The following STK32B variants were observed in gnomAD, a reference collection of about 807,000 sequenced individuals.
STK32B encodes serine/threonine kinase 32B.
A neutral mutation model predicts 52.6 loss-of-function variants in STK32B; 43 were observed. The observed-to-expected ratio is 0.82, with a 90% CI of 0.64 to 1.05. STK32B has a LOEUF of 1.05. Among genes scored for constraint, STK32B ranks in the 50% least tolerant of loss-of-function variants. STK32B has a pLI of 0.00. For synonymous variants in STK32B, 238 were observed against 204.3 expected (o/e 1.17, Z -1.41); for missense variants, 621 against 534.6 (o/e 1.16, Z -1.59).
chr4:5,383,677 T>A (rs1736068206), intron 4 of STK32B, among the ~76,000 whole-genome samples: 2 of 152,146 alleles, frequency 1.3e-5, no homozygotes, highest in Non-Finnish European at 2.9e-5. Flanking sequence ...CCCTTGTTTC[T>A]GAAACCACTA....
At chr4:5,420,623 C>G (rs1344876746) in intron 6 of STK32B, among the ~76,000 whole-genome samples, 2 of 152,104 alleles carry the variant, frequency 1.3e-5, no homozygotes, top group African/African-American at 2.4e-5. Flanking sequence ...TGGAAGTGGA[C>G]AGGATCCCCC....
chr4:5,156,744 C>G (rs557487046), intron 2 of STK32B, among the ~76,000 whole-genome samples: 2 of 152,138 alleles, frequency 1.3e-5, no homozygotes, highest in Non-Finnish European at 2.9e-5. Flanking sequence ...TAGCTGGAGG[C>G]AGTCTGCACA....
Position 5,460,644 on chromosome 4 carries a change from G to A in STK32B, c.909+416G>A, listed in dbSNP as rs1449894598. Among the ~76,000 whole-genome samples the A allele has an allele frequency of 6.6e-6, 1 of 152,222 alleles. No homozygotes were observed. The highest frequency in any genetic ancestry group is 1.5e-5 in the Non-Finnish European group (1 of 68,034). ...GGAGAGGTGGGATGGGAGGGGCAGAGGCAGGGGCTTCTTTTAGGAAGGGTC... is the reference window on the plus strand; with the variant it reads ...GGAGAGGTGGGATGGGAGGGGCAGAAGCAGGGGCTTCTTTTAGGAAGGGTC... On this transcript the variant is annotated intron_variant, in intron 9 of 11. Coordinates refer to ENST00000282908, the MANE Select transcript of STK32B (RefSeq NM_018401.3). The surrounding 1 kb of genome is among the most constrained non-coding windows in gnomAD (Gnocchi z 4.8).
chr4:5,404,355 G>C (rs143907191), intron 5 of STK32B, among the ~76,000 whole-genome samples: 1 of 152,032 alleles, frequency 6.6e-6, no homozygotes, highest in Non-Finnish European at 1.5e-5. Flanking sequence ...CCCTGTGTGC[G>C]TGTCGGCGTC....
intron 6 of STK32B, among the ~76,000 whole-genome samples, chr4:5,421,697 C>A (rs992713052): frequency 1.3e-5 from 2 of 152,240 alleles, no homozygotes; most frequent in African/African-American, 4.8e-5. Flanking sequence ...GAAAGCAGAG[C>A]CATGGGGACC....
rs144738803 is a variant in STK32B at position 5,269,397 on chromosome 4, C to G, written c.261-61823C>G. Reference sequence around the variant, plus strand: ...CCTCTCTAACAAAAAGCGAGACTTACAAAGATCAAACTATTTCCAACTAAA... The same window carrying G: ...CCTCTCTAACAAAAAGCGAGACTTAGAAAGATCAAACTATTTCCAACTAAA... On this transcript the variant is annotated intron_variant, in intron 3 of 11. Coordinates refer to ENST00000282908, the MANE Select transcript of STK32B (RefSeq NM_018401.3). 1.1e-4 allele frequency among the ~76,000 whole-genome samples: 17 copies of G among 152,208 alleles called. No individual in the cohort carries two copies. The East Asian group carries it at 3.1e-3, about 28-fold the overall frequency.
intron 2 of STK32B, among the ~76,000 whole-genome samples, chr4:5,166,423 G>A (rs1718874061): frequency 6.6e-6 from 1 of 150,430 alleles, no homozygotes; most frequent in African/African-American, 2.5e-5. Context: ...ACCTCAGAAT[G>A]TGGCCTTCTT....
chr4:5,289,435 C>T (rs1411410909), intron 3 of STK32B, among the ~76,000 whole-genome samples: 1 of 152,108 alleles, frequency 6.6e-6, no homozygotes, highest in Non-Finnish European at 1.5e-5. Context: ...TTAGGCTACA[C>T]TAAATTTATT....
intron 11 of STK32B, among the ~76,000 whole-genome samples, chr4:5,496,793 T>TTTTC (rs1217017430): frequency 6.6e-6 from 1 of 151,338 alleles, no homozygotes; most frequent in African/African-American, 2.4e-5. Flanking sequence ...CATGGAAATT[T>TTTTC]TTTCTTTGCT....
chr4:5,066,265 T>C (rs1301021074), intron 1 of STK32B, among the ~76,000 whole-genome samples: 1 of 152,160 alleles, frequency 6.6e-6, no homozygotes, highest in African/African-American at 2.4e-5. Flanking sequence ...ATTAAGCACC[T>C]GGCTATGTTG....
At chr4:5,176,169 G>C (rs185832108) in intron 3 of STK32B, among the ~76,000 whole-genome samples, 1 of 152,212 alleles carries the variant, frequency 6.6e-6, no homozygotes, top group Non-Finnish European at 1.5e-5. Flanking sequence ...ATTAGGGTGG[G>C]AGTGACCCGA....
intron 3 of STK32B, among the ~76,000 whole-genome samples, chr4:5,328,848 A>G (rs964610494): frequency 6.6e-6 from 1 of 152,168 alleles, no homozygotes; most frequent in Non-Finnish European, 1.5e-5. Flanking sequence ...TATTACTTAC[A>G]TGCTCCTCTC....
At chr4:5,435,632 G>C (rs553867954) in intron 6 of STK32B, 140 of 152,332 alleles carry the variant, frequency 9.2e-4, no homozygotes, top group African/African-American at 3.2e-3. Flanking sequence ...AGAAGTGTTT[G>C]CTATTTTTAT....
chr4:5,335,865 C>G lies in STK32B; in HGVS notation c.434+4472C>G, dbSNP rs145177660. Among the ~76,000 whole-genome samples, 468 of 151,798 alleles carry G rather than the reference C, an allele frequency of 3.1e-3. 2 individuals are homozygous for G. Among genetic ancestry groups the G allele is most frequent in the African/African-American group, 0.011 (454 of 41,318 alleles). ...GAGACAGTTTGTTATAATTTCTATT[C>G]TTTTACATTTGCTGAGGAGAGCTTT... On this transcript the variant is annotated intron_variant, in intron 4 of 11. Coordinates refer to ENST00000282908, the MANE Select transcript of STK32B (RefSeq NM_018401.3).
At chr4:5,266,246 T>C (rs1270430247) in intron 3 of STK32B, among the ~76,000 whole-genome samples, 1 of 152,220 alleles carries the variant, frequency 6.6e-6, no homozygotes, top group Admixed American at 6.5e-5. Context: ...CAAACAGTAT[T>C]CCGAACTGGC....
At chr4:5,390,327 G>C (rs1736518314) in intron 4 of STK32B, among the ~76,000 whole-genome samples, 1 of 152,196 alleles carries the variant, frequency 6.6e-6, no homozygotes, top group Non-Finnish European at 1.5e-5. Context: ...CGTTTGGGTA[G>C]AGTGTCCATC....
intron 3 of STK32B, among the ~76,000 whole-genome samples, chr4:5,329,469 C>T (rs977079845): frequency 6.6e-6 from 1 of 152,186 alleles, no homozygotes; most frequent in Non-Finnish European, 1.5e-5. Flanking sequence ...CAGTAAACCC[C>T]TCATGGGTAA....
the STK32B span, among the ~76,000 whole-genome samples, chr4:5,042,713 G>C: frequency 6.6e-6 from 1 of 152,182 alleles, no homozygotes; most frequent in African/African-American, 2.4e-5. Flanking sequence ...AACCTTGCAG[G>C]GGAATGGGAG....
At chr4:5,133,628 A>G (rs530806691) in intron 1 of STK32B, among the ~76,000 whole-genome samples, 14 of 152,236 alleles carry the variant, frequency 9.2e-5, no homozygotes, top group Non-Finnish European at 1.9e-4. Context: ...ACTCAGAAAT[A>G]ATCGCCATCA....
Sources: gnomAD v4.1 joint callset for allele counts (sites outside exome capture counted in the v4.1 genomes callset) on GRCh38, gnomAD v4.1.1 for gene constraint, Gnocchi (gnomAD v3.1) non-coding constraint, MANE v1.5 for transcripts, NCBI Gene and HGNC (gene_info 2026-07-23, HGNC 2026-07-21) for gene names.